The following CCDC152 variants were observed in gnomAD, a reference collection of about 807,000 sequenced individuals.
The protein encoded by CCDC152 is coiled-coil domain-containing protein 152.
In CCDC152, 37 loss-of-function variants were observed where a neutral mutation model predicts 38.1. The observed-to-expected ratio is 0.97, with a 90% CI of 0.75 to 1.28. The LOEUF (loss-of-function observed/expected upper bound fraction) is 1.28. Among genes scored for constraint, CCDC152 ranks in the 50% most tolerant of loss-of-function variants. The pLI, the probability that CCDC152 is intolerant of heterozygous loss-of-function variation, is 0.00. For missense variants in CCDC152, 259 were observed against 292.1 expected (o/e 0.89, Z 0.83); for synonymous variants, 83 against 87.1 (o/e 0.95, Z 0.26).
At chr5:42,759,568 A>G (rs1759522277) in intron 2 of CCDC152, among the ~76,000 whole-genome samples, 1 of 152,244 alleles carries the variant, frequency 6.6e-6, no homozygotes, top group Admixed American at 6.5e-5. Flanking sequence ...AATTCCCAAA[A>G]TAAACAATTC....
intron 5 of CCDC152, among the ~76,000 whole-genome samples, chr5:42,781,551 GCGCGCACA>G (rs1394152750): frequency 4.4e-4 from 65 of 147,550 alleles, no homozygotes; most frequent in South Asian, 9.2e-4. Flanking sequence ...AAATGCGCGC[GCGCGCACA>G]CACACACACA....
At position 42,768,414 on chromosome 5, in the gene CCDC152, G is replaced by C. The variant is rs772370409; in HGVS notation, c.194-1183G>C. On this transcript the variant is annotated intron_variant, in intron 3 of 8. Coordinates refer to ENST00000361970, the MANE Select transcript of CCDC152 (RefSeq NM_001134848.2). ...AGTCTCTGCTGTTGTAGCCCTAATA[G>C]CCAAGTGGATTTCTAAAGTAATGAA... 2.8e-4 allele frequency among the ~76,000 whole-genome samples: 43 copies of C among 152,128 alleles called. 1 individual carries two copies. Among genetic ancestry groups the C allele is most frequent in the African/African-American group, 1.0e-3 (43 of 41,426 alleles).
chr5:42,774,412 T>C (rs1327709363), intron 4 of CCDC152, among the ~76,000 whole-genome samples: 1 of 152,196 alleles, frequency 6.6e-6, no homozygotes, highest in African/African-American at 2.4e-5. Context: ...TTTGAAATAA[T>C]CCACAGCTTC....
rs538173084 is a variant in CCDC152, at chr5:42,800,599, T to C, written c.*818T>C. 73 of 1,220,502 alleles carry C rather than the reference T, an allele frequency of 6.0e-5. No individual in the cohort carries two copies. In the African/African-American group the frequency reaches 9.6e-4, roughly 16 times the overall value. 75.6% of individuals were successfully genotyped at this position (1,220,502 alleles called of 1,614,324 possible). On this transcript the variant is annotated 3_prime_UTR_variant, in exon 9 of 9. Coordinates refer to ENST00000361970, the MANE Select transcript of CCDC152 (RefSeq NM_001134848.2). ...AAAATCTGGAAGCCAATTCAGTAGATTTCTCCATGTTTGCACAAATCTAAT... is the reference window on the plus strand; with the variant it reads ...AAAATCTGGAAGCCAATTCAGTAGACTTCTCCATGTTTGCACAAATCTAAT...
chr5:42,762,296 T>G lies in CCDC152; in HGVS notation c.88-147T>G. On this transcript the variant is annotated intron_variant, in intron 2 of 8. Coordinates refer to ENST00000361970, the MANE Select transcript of CCDC152 (RefSeq NM_001134848.2). The stretch of plus-strand genomic sequence containing the variant: ...CAGTCTGTTGTTGATCAAAATGTCT[T>G]TATGCAGTACATGACTGTATATGTA... The G allele has an allele frequency of 9.4e-6, 5 of 532,536 alleles. No homozygotes were observed. The South Asian group carries it at 1.3e-4, about 14-fold the overall frequency. The allele number at this position is 532,536 out of a possible 1,614,324, so 33.0% of individuals were successfully genotyped here. A position where few individuals can be genotyped will look rare whatever the true frequency, so the allele number is the denominator to read the frequency against.
intron 6 of CCDC152, among the ~76,000 whole-genome samples, chr5:42,796,318 G>A (rs1014347823): frequency 2.9e-4 from 43 of 150,352 alleles, no homozygotes; most frequent in African/African-American, 9.8e-4. Flanking sequence ...CTCCTTTCTC[G>A]TTAAAAATAA....
chr5:42,763,931 G>A (rs545027236), intron 3 of CCDC152, among the ~76,000 whole-genome samples: 15 of 152,228 alleles, frequency 9.9e-5, no homozygotes, highest in South Asian at 2.1e-4. Context: ...ATCAAAGAAA[G>A]GATTTGTACT....
intron 3 of CCDC152, among the ~76,000 whole-genome samples, chr5:42,765,460 T>C (rs1759611704): frequency 1.3e-5 from 1 of 79,204 alleles, no homozygotes. Flanking sequence ...TAGCCAAAGC[T>C]GTCCTAAGCA....
intron 4 of CCDC152, among the ~76,000 whole-genome samples, chr5:42,770,962 A>G (rs527934750): frequency 1.6e-4 from 25 of 152,170 alleles, no homozygotes; most frequent in African/African-American, 6.0e-4. Flanking sequence ...ATCGATTTTT[A>G]TATGTTGATT....
intron 3 of CCDC152, 100 bp from the exon 4 acceptor site, chr5:42,769,497 C>T: frequency 2.3e-6 from 3 of 1,284,998 alleles, no homozygotes; most frequent in Non-Finnish European, 3.1e-6. Flanking sequence ...CATCACCATG[C>T]CTGGCTTAAA....
chr5:42,764,181 G>A (rs1350353082), intron 3 of CCDC152, among the ~76,000 whole-genome samples: 2 of 152,144 alleles, frequency 1.3e-5, no homozygotes, highest in Non-Finnish European at 2.9e-5. Context: ...GGAGGCCGAG[G>A]AGGGTGGATC....
At chr5:42,765,857 G>C (rs146149331) in intron 3 of CCDC152, among the ~76,000 whole-genome samples, 89 of 152,292 alleles carry the variant, frequency 5.8e-4, no homozygotes, top group African/African-American at 2.1e-3. Context: ...TCTGGGCAAA[G>C]ATTTATTGAG....
intron 6 of CCDC152, among the ~76,000 whole-genome samples, chr5:42,785,974 C>A (rs923879320): frequency 6.6e-6 from 1 of 151,972 alleles, no homozygotes; most frequent in Non-Finnish European, 1.5e-5. Context: ...GAAATAAGGC[C>A]GTTTGATCCT....
intron 6 of CCDC152, among the ~76,000 whole-genome samples, chr5:42,785,339 A>G (rs1759903950): frequency 6.6e-6 from 1 of 151,852 alleles, no homozygotes; most frequent in African/African-American, 2.4e-5. Flanking sequence ...ATTTCCAGGT[A>G]ATTTTGTGTG....
At chr5:42,760,827 A>G (rs1182790745) in intron 2 of CCDC152, among the ~76,000 whole-genome samples, 1 of 152,248 alleles carries the variant, frequency 6.6e-6, no homozygotes, top group Non-Finnish European at 1.5e-5. Flanking sequence ...AATAAGAGAT[A>G]AAAGAGAAAG....
At chr5:42,759,791 G>C (rs1270102905) in intron 2 of CCDC152, among the ~76,000 whole-genome samples, 8 of 152,080 alleles carry the variant, frequency 5.3e-5, no homozygotes, top group African/African-American at 9.7e-5. Flanking sequence ...CCACATTTAT[G>C]TAACTTTTAC....
At chr5:42,796,051 G>A (rs1294217494) in intron 6 of CCDC152, among the ~76,000 whole-genome samples, 1 of 151,344 alleles carries the variant, frequency 6.6e-6, no homozygotes, top group African/African-American at 2.4e-5. Flanking sequence ...GAGAACACAT[G>A]GACACAGGAA....
At chr5:42,770,517 C>A (rs1252206208) in intron 4 of CCDC152, among the ~76,000 whole-genome samples, 1 of 151,240 alleles carries the variant, frequency 6.6e-6, no homozygotes, top group Non-Finnish European at 1.5e-5. Context: ...TTTAACAGTG[C>A]TGTACTGTTC....
chr5:42,774,069 T>G (rs1177580141), intron 4 of CCDC152, among the ~76,000 whole-genome samples: 1 of 152,146 alleles, frequency 6.6e-6, no homozygotes, highest in East Asian at 1.9e-4. Context: ...AATCAACAAT[T>G]CTTAGACTTT....
Sources: gnomAD v4.1 joint callset for allele counts (sites outside exome capture counted in the v4.1 genomes callset) on GRCh38, gnomAD v4.1.1 for gene constraint, MANE v1.5 for transcripts, NCBI Gene and HGNC (gene_info 2026-07-23, HGNC 2026-07-21) for gene names.